The following NOX4 variants were observed in gnomAD, a reference collection of about 807,000 sequenced individuals.
The protein encoded by NOX4 is NADPH oxidase 4.
A neutral mutation model predicts 87.6 loss-of-function variants in NOX4; 69 were observed. The observed-to-expected ratio is 0.79, with a 90% CI of 0.65 to 0.96. The LOEUF is 0.96. NOX4 is among the 40% of genes least tolerant of loss of function. The pLI is 0.00. For synonymous variants in NOX4, 275 were observed against 238.2 expected (o/e 1.15, Z -1.42); for missense variants, 680 against 681.5 (o/e 1.00, Z 0.02).
intron 8 of NOX4, among the ~76,000 whole-genome samples, chr11:89,407,023 G>C (rs1942224742): frequency 6.6e-6 from 1 of 151,976 alleles, no homozygotes; most frequent in African/African-American, 2.4e-5. Context: ...GTTTATTCCT[G>C]AATAAGTAGA....
At chr11:89,391,818 A>T (rs553428293) in intron 11 of NOX4, among the ~76,000 whole-genome samples, 5 of 152,166 alleles carry the variant, frequency 3.3e-5, no homozygotes, top group Admixed American at 6.5e-5. Context: ...CCATTAATAC[A>T]TTAGTAGGCA....
chr11:89,394,988 C>A (rs1294027563), intron 11 of NOX4, among the ~76,000 whole-genome samples: 1 of 152,228 alleles, frequency 6.6e-6, no homozygotes, highest in East Asian at 1.9e-4. Context: ...TTTATAGTAG[C>A]ATGATTTGTA....
At chr11:89,437,103 C>A (rs1944115343) in intron 6 of NOX4, among the ~76,000 whole-genome samples, 1 of 152,008 alleles carries the variant, frequency 6.6e-6, no homozygotes, top group African/African-American at 2.4e-5. Flanking sequence ...TGGCTCACGC[C>A]TGTAATCTGA....
At chr11:89,440,854 G>A (rs1239018517) in intron 5 of NOX4, 139 bp from the exon 6 acceptor site, 3 of 479,724 alleles carry the variant, frequency 6.3e-6, no homozygotes, top group East Asian at 3.6e-5. Context: ...AGAAAGACTC[G>A]ATTAAGTTTC....
chr11:89,549,473 T>C, the NOX4 span, among the ~76,000 whole-genome samples: 1 of 152,164 alleles, frequency 6.6e-6, no homozygotes, highest in African/African-American at 2.4e-5. Context: ...TTAAAGACAA[T>C]CCATAACAAT....
At chr11:89,483,022 G>A (rs187826942) in intron 2 of NOX4, among the ~76,000 whole-genome samples, 4 of 152,132 alleles carry the variant, frequency 2.6e-5, no homozygotes, top group East Asian at 1.9e-4. Flanking sequence ...GAAAGTTACC[G>A]AACCACTCAG....
chr11:89,565,388 C>T, the NOX4 span, among the ~76,000 whole-genome samples: 2 of 152,074 alleles, frequency 1.3e-5, no homozygotes, highest in African/African-American at 4.8e-5. Context: ...CCAGATAACT[C>T]ATCTGTACAT....
the NOX4 span, among the ~76,000 whole-genome samples, chr11:89,560,850 T>G: frequency 6.6e-6 from 1 of 150,978 alleles, no homozygotes; most frequent in African/African-American, 2.4e-5. Context: ...GTTTACCTTG[T>G]TCTGAGGTTT....
the NOX4 span, among the ~76,000 whole-genome samples, chr11:89,583,851 C>T: frequency 6.6e-6 from 1 of 152,022 alleles, no homozygotes; most frequent in Non-Finnish European, 1.5e-5. Context: ...TACTGCACTT[C>T]GCACATGGCA....
chr11:89,349,273 C>A (rs199995709), intron 13 of NOX4, among the ~76,000 whole-genome samples: 2 of 150,462 alleles, frequency 1.3e-5, no homozygotes, highest in African/African-American at 2.5e-5. Context: ...GGCAACAGAG[C>A]GAGACTCTGT....
intron 12 of NOX4, among the ~76,000 whole-genome samples, chr11:89,370,650 T>C (rs2135048112): frequency 6.6e-6 from 1 of 152,166 alleles, no homozygotes; most frequent in Non-Finnish European, 1.5e-5. Context: ...GGTAATCCAC[T>C]CCATCTACTG....
At chr11:89,518,513 T>A in the NOX4 span, among the ~76,000 whole-genome samples, 22 of 152,252 alleles carry the variant, frequency 1.4e-4, no homozygotes, top group African/African-American at 4.6e-4. Context: ...TTTTTAAAAA[T>A]GATCTGCAAT....
chr11:89,430,688 C>T (rs2135305690), intron 7 of NOX4, among the ~76,000 whole-genome samples: 1 of 152,128 alleles, frequency 6.6e-6, no homozygotes, highest in South Asian at 2.1e-4. Flanking sequence ...CATACCACTG[C>T]TCAACGAAAT....
intron 8 of NOX4, among the ~76,000 whole-genome samples, chr11:89,421,525 T>C (rs1180845857): frequency 6.6e-6 from 1 of 152,156 alleles, no homozygotes; most frequent in African/African-American, 2.4e-5. Flanking sequence ...GAAATTCCAT[T>C]ATTATAAATC....
chr11:89,482,585 T>C (rs1946433361), intron 2 of NOX4, among the ~76,000 whole-genome samples: 1 of 152,046 alleles, frequency 6.6e-6, no homozygotes, highest in Non-Finnish European at 1.5e-5. Flanking sequence ...GACACCTTCA[T>C]CTTGGACTTC....
chr11:89,554,583 T>C, the NOX4 span, among the ~76,000 whole-genome samples: 8 of 152,106 alleles, frequency 5.3e-5, no homozygotes, highest in East Asian at 1.5e-3. Context: ...TCAGGTATAG[T>C]TATAAATATC....
intron 12 of NOX4, among the ~76,000 whole-genome samples, chr11:89,362,401 G>A (rs910265483): frequency 6.6e-6 from 1 of 151,934 alleles, no homozygotes; most frequent in Non-Finnish European, 1.5e-5. Flanking sequence ...ATGTGCAGGC[G>A]GTCACTGTCA....
At chr11:89,493,590 G>T (rs1005767775), upstream of NOX4, among the ~76,000 whole-genome samples, 29 of 152,072 alleles carry the variant, frequency 1.9e-4, no homozygotes, top group Non-Finnish European at 3.7e-4. Context: ...AGGGGACTGA[G>T]ATCTGTTTAT....
the NOX4 span, among the ~76,000 whole-genome samples, chr11:89,574,068 G>C: frequency 6.6e-6 from 1 of 152,150 alleles, no homozygotes; most frequent in African/African-American, 2.4e-5. Context: ...AATAGCTTTG[G>C]ATGGTAAGGA....
Sources: allele counts gnomAD v4.1 joint callset (sites outside exome capture counted in the v4.1 genomes callset), GRCh38; gene constraint gnomAD v4.1.1; transcripts MANE v1.5; gene names NCBI Gene and HGNC (gene_info 2026-07-23, HGNC 2026-07-21).